Variants in ELMO1 observed in about 807,000 individuals in gnomAD.
ELMO1 encodes the protein engulfment and cell motility 1.
A neutral mutation model predicts 98.9 loss-of-function variants in ELMO1; 26 were observed. The observed-to-expected ratio is 0.26, with a 90% CI of 0.19 to 0.36. The LOEUF is 0.36. Among genes scored for constraint, ELMO1 ranks in the 10% least tolerant of loss-of-function variants. ELMO1 has a pLI of 1.00. For missense variants in ELMO1, 627 were observed against 935.2 expected (o/e 0.67, Z 4.30); for synonymous variants, 346 against 346.0 (o/e 1.00, Z 0.00).
rs903712387 is a variant in ELMO1, at chr7:37,278,255, T to C, written c.193-6373A>G. On this transcript the variant is annotated intron_variant, in intron 4 of 21. Transcript: ENST00000310758. The stretch of plus-strand genomic sequence containing the variant: ...ATGTTGCTGTAAGGTATTTTGTATA[T>C]GTGATGAAAGTCTATAATCACTTGA... 9.2e-5 allele frequency among the ~76,000 whole-genome samples: 14 copies of C among 151,974 alleles called. No homozygotes were observed. The South Asian group carries it at 2.1e-3, about 23-fold the overall frequency.
chr7:37,133,180 G>A lies in ELMO1; in HGVS notation c.1141C>T (p.Leu381=). The A allele has an allele frequency of 6.2e-7, 1 of 1,613,192 alleles. No homozygotes were observed. The highest frequency in any genetic ancestry group is 8.5e-7 in the Non-Finnish European group (1 of 1,179,638). Residue 381 remains leucine (L), a synonymous_variant, in exon 14 of 22, where the codon CTG becomes TTG. Transcript: ENST00000310758. The part of the protein sequence containing the change: ...FTQTPPGMLA[L]DNMLYFAKHH... ...TTGGCAAAGTACAGCATGTTGTCCA[G>A]AGCCAACATCCCAGGTGGAGTCTGC... is the stretch of plus-strand genomic sequence containing the variant.
intron 5 of ELMO1, among the ~76,000 whole-genome samples, chr7:37,263,846 T>C (rs548706835): frequency 1.3e-5 from 2 of 152,158 alleles, no homozygotes; most frequent in Admixed American, 6.5e-5. Context: ...AGGGTGTTCA[T>C]GAGCATGCAG....
At chr7:37,429,106 A>T (rs1171367084) in intron 1 of ELMO1, among the ~76,000 whole-genome samples, 1 of 152,206 alleles carries the variant, frequency 6.6e-6, no homozygotes, top group African/African-American at 2.4e-5. Context: ...AAGCCAAGTG[A>T]TATTTTGGAA....
chr7:37,005,457 C>T (rs1279898917), intron 16 of ELMO1, among the ~76,000 whole-genome samples: 2 of 152,014 alleles, frequency 1.3e-5, no homozygotes, highest in African/African-American at 2.4e-5. Context: ...TTCGGGAGGC[C>T]AAGGCAGGTG....
At chr7:37,395,112 T>C (rs6971468) in intron 1 of ELMO1, among the ~76,000 whole-genome samples, 127,216 of 151,976 alleles carry the variant, frequency 0.84, 53,302 homozygotes, top group East Asian at 0.89. Flanking sequence ...ATGCCTGTAA[T>C]CCCAGCACTA....
intron 13 of ELMO1, among the ~76,000 whole-genome samples, chr7:37,161,880 A>G (rs913786217): frequency 1.6e-5 from 2 of 127,048 alleles, no homozygotes; most frequent in African/African-American, 5.7e-5. Context: ...CCACTAAGGC[A>G]TTATAGAAAG....
At chr7:37,403,965 T>C (rs1331561106) in intron 1 of ELMO1, among the ~76,000 whole-genome samples, 1 of 152,158 alleles carries the variant, frequency 6.6e-6, no homozygotes, top group African/African-American at 2.4e-5. Flanking sequence ...ACCACACTAA[T>C]GCAAGATGCT....
chr7:37,087,464 T>C (rs575193996), intron 15 of ELMO1, among the ~76,000 whole-genome samples: 2 of 152,230 alleles, frequency 1.3e-5, no homozygotes, highest in African/African-American at 4.8e-5. Flanking sequence ...GATAAGAGTG[T>C]GTCCTAGTCC....
intron 15 of ELMO1, among the ~76,000 whole-genome samples, chr7:37,036,547 A>T (rs187336500): frequency 1.3e-5 from 2 of 152,104 alleles, no homozygotes; most frequent in African/African-American, 4.8e-5. Context: ...CAATTTTTAA[A>T]ATTTTTTATT....
chr7:37,423,179 T>C (rs1415649180), intron 1 of ELMO1, among the ~76,000 whole-genome samples: 1 of 152,228 alleles, frequency 6.6e-6, no homozygotes, highest in Non-Finnish European at 1.5e-5. Context: ...CAGTAACATA[T>C]GTCATAATTT....
chr7:37,263,773 G>A (rs1174072002), intron 5 of ELMO1, among the ~76,000 whole-genome samples: 6 of 152,176 alleles, frequency 3.9e-5, no homozygotes, highest in African/African-American at 4.8e-5. Context: ...GATGTGTCTG[G>A]GGTCTGCAGG....
chr7:37,026,176 G>A (rs1433944361), intron 15 of ELMO1, among the ~76,000 whole-genome samples: 1 of 152,136 alleles, frequency 6.6e-6, no homozygotes, highest in Non-Finnish European at 1.5e-5. Flanking sequence ...GTAATTGCCT[G>A]TCCAACCATG....
intron 19 of ELMO1, among the ~76,000 whole-genome samples, chr7:36,873,461 C>T (rs756773099): frequency 6.6e-6 from 1 of 152,188 alleles, no homozygotes; most frequent in Non-Finnish European, 1.5e-5. Flanking sequence ...CCACATTTAC[C>T]CCCTGGGGCA....
chr7:37,179,771 A>G (rs1183328351), intron 13 of ELMO1, among the ~76,000 whole-genome samples: 1 of 152,198 alleles, frequency 6.6e-6, no homozygotes, highest in Non-Finnish European at 1.5e-5. Flanking sequence ...CATGTACACA[A>G]AAGAAATCAG....
At chr7:37,352,648 T>A (rs1287774634) in intron 1 of ELMO1, among the ~76,000 whole-genome samples, 3 of 152,164 alleles carry the variant, frequency 2.0e-5, no homozygotes, top group Non-Finnish European at 4.4e-5. Context: ...CAATGGAAAG[T>A]GGCAGAGAAA....
intron 17 of ELMO1, among the ~76,000 whole-genome samples, chr7:36,892,328 G>A (rs1805627276): frequency 6.6e-6 from 1 of 152,124 alleles, no homozygotes; most frequent in East Asian, 1.9e-4. Flanking sequence ...GGCCTTAAGG[G>A]TGATTTTCAG....
intron 6 of ELMO1, among the ~76,000 whole-genome samples, chr7:37,258,451 A>G (rs994957347): frequency 1.2e-3 from 183 of 151,036 alleles, no homozygotes; most frequent in Middle Eastern, 3.4e-3. Flanking sequence ...AAAAAAAAAT[A>G]AGAGAGAGAG....
intron 2 of ELMO1, among the ~76,000 whole-genome samples, chr7:37,335,852 G>C (rs139449919): frequency 2.0e-5 from 3 of 152,182 alleles, no homozygotes; most frequent in Non-Finnish European, 4.4e-5. Flanking sequence ...GAGATGGCCC[G>C]TGCTGGCTTT....
intron 16 of ELMO1, 50 bp downstream of exon 16, chr7:37,013,249 C>G: frequency 1.2e-6 from 2 of 1,603,294 alleles, no homozygotes; most frequent in Non-Finnish European, 8.5e-7. Context: ...ATGCAGCAGG[C>G]CCCTTTAGCG....
Sources: allele counts gnomAD v4.1 joint callset (sites outside exome capture counted in the v4.1 genomes callset), GRCh38; gene constraint gnomAD v4.1.1; transcripts MANE v1.5; gene names NCBI Gene and HGNC (gene_info 2026-07-23, HGNC 2026-07-21).